DHX15: variants seen among roughly 807,000 people sequenced by gnomAD.
The protein encoded by DHX15 is DEAH-box helicase 15, also known as ATP-dependent RNA helicase DHX15.
DHX15 carries 11 observed loss-of-function variants against 94.4 expected under a neutral mutation model. The observed-to-expected ratio is 0.12, with a 90% CI of 0.07 to 0.19. The LOEUF is 0.19. DHX15 is among the 10% of genes least tolerant of loss of function. The pLI is 1.00. For synonymous variants in DHX15, 338 were observed against 329.9 expected, an observed-to-expected ratio of 1.02 and a Z score of -0.27; for missense variants, 304 against 988.5, an observed-to-expected ratio of 0.31 and a Z score of 9.29.
Position 24,584,316 on chromosome 4 carries a change from G to C in DHX15, c.71+7C>G. The C allele has an allele frequency of 6.2e-7, 1 of 1,611,158 alleles. No individual in the cohort carries two copies. Among genetic ancestry groups the C allele is most frequent in the Non-Finnish European group, 8.5e-7 (1 of 1,179,136 alleles). ...AGCTGCCGCCTCGCGCCCCCGGCCTGGCTTACCCATCGGTCCCCGCACGCT... is the reference window on the plus strand; with the variant it reads ...AGCTGCCGCCTCGCGCCCCCGGCCTCGCTTACCCATCGGTCCCCGCACGCT... On this transcript the variant is annotated splice_region_variant and intron_variant, in intron 1 of 13. Transcript: ENST00000336812.
intron 1 of DHX15, among the ~76,000 whole-genome samples, chr4:24,578,898 G>A (rs1722343225): frequency 1.3e-5 from 2 of 152,082 alleles, no homozygotes; most frequent in African/African-American, 4.8e-5. Flanking sequence ...CATAGTACCA[G>A]GCAATTAAGA....
chr4:24,527,966 G>A lies in DHX15; in HGVS notation c.2346C>T (p.Arg782=). 6.2e-7 allele frequency: 1 copy of A among 1,613,958 alleles called. No individual in the cohort carries two copies. The highest frequency in any genetic ancestry group is 1.1e-5 in the South Asian group (1 of 91,068). ...CCTTGGATTGAAGTTTGGCAATGAT[G>A]CGGTCCAACTGTCTCTTTGCTTCAC... ...PQCEAKRQLD[R]IIAKLQSKEY... The change falls in exon 14 of 14, where the codon CGC becomes CGT. Residue 782 remains arginine, a synonymous_variant. Transcript: ENST00000336812.
chr4:24,535,310 C>T (rs1721170470), intron 11 of DHX15, among the ~76,000 whole-genome samples: 1 of 152,180 alleles, frequency 6.6e-6, no homozygotes, highest in Admixed American at 6.5e-5. Context: ...ATAGGTCATA[C>T]ATCTAGTGAG....
At chr4:24,538,287 T>C (rs1308418699) in intron 10 of DHX15, 1 of 152,128 alleles carries the variant, frequency 6.6e-6, no homozygotes, top group Non-Finnish European at 1.5e-5. Context: ...TACAGTATCA[T>C]ATTACTCTTT....
intron 10 of DHX15, chr4:24,539,783 A>G: frequency 5.8e-6 from 1 of 172,140 alleles, no homozygotes; most frequent in Non-Finnish European, 1.2e-5. Flanking sequence ...AGTAAAAAAC[A>G]AAAAACAAAA....
intron 12 of DHX15, among the ~76,000 whole-genome samples, chr4:24,531,642 C>T (rs1721086056): frequency 6.6e-6 from 1 of 151,956 alleles, no homozygotes; most frequent in South Asian, 2.1e-4. Flanking sequence ...CACCAGAGCC[C>T]AGGGAGGTAA....
intron 3 of DHX15, among the ~76,000 whole-genome samples, chr4:24,561,500 T>C (rs1389524101): frequency 1.3e-5 from 2 of 152,114 alleles, no homozygotes; most frequent in Non-Finnish European, 2.9e-5. Context: ...CACAGGCCTG[T>C]GTATATTCAC....
rs114095940 is a variant in DHX15 at position 24,528,925 on chromosome 4, G to T, written c.2270+676C>A. On this transcript the variant is annotated intron_variant, in intron 13 of 13. Transcript: ENST00000336812. ...AAACAAAACAAAACAAAAAAAAACA[G>T]ATTTCTGCAAGCAAGAAACAGTACT... 3.1e-3 allele frequency among the ~76,000 whole-genome samples: 476 copies of T among 151,708 alleles called. 2 individuals are homozygous for T. The highest frequency in any genetic ancestry group is 0.011 in the African/African-American group (443 of 41,232).
At chr4:24,568,223 GAT>G (rs1333739641) in intron 3 of DHX15, among the ~76,000 whole-genome samples, 1 of 152,104 alleles carries the variant, frequency 6.6e-6, no homozygotes, top group African/African-American at 2.4e-5. Flanking sequence ...CTACACAATG[GAT>G]ATATAAGCAT....
chr4:24,533,118 T>C (rs931446918), intron 11 of DHX15, 64 bp from the exon 12 acceptor site: 1 of 1,358,430 alleles, frequency 7.4e-7, no homozygotes, highest in Non-Finnish European at 1.1e-6. Context: ...GAATGTTCTC[T>C]AATTAAAAAA....
intron 10 of DHX15, 108 bp downstream of exon 10, chr4:24,540,000 C>G (rs3749588): frequency 0.23 from 171,553 of 732,502 alleles, 21,914 homozygotes; most frequent in East Asian, 0.44. Flanking sequence ...TCCTTAAAAC[C>G]ATCTATAAAA....
intron 13 of DHX15, among the ~76,000 whole-genome samples, chr4:24,529,150 G>C (rs1721026689): frequency 6.6e-6 from 1 of 152,134 alleles, no homozygotes; most frequent in African/African-American, 2.4e-5. Flanking sequence ...AGCTTCCCCA[G>C]TAGCTGGGAC....
At chr4:24,547,946 T>C (rs1453584950) in intron 6 of DHX15, among the ~76,000 whole-genome samples, 335 of 30,812 alleles carry the variant, frequency 0.011, 3 homozygotes, top group African/African-American at 0.053. Flanking sequence ...TATATATCTA[T>C]ATCTATATCT....
At chr4:24,566,948 C>T (rs1487805826) in intron 3 of DHX15, among the ~76,000 whole-genome samples, 2 of 152,184 alleles carry the variant, frequency 1.3e-5, no homozygotes, top group South Asian at 2.1e-4. Flanking sequence ...TTTTTATTTA[C>T]ATTTTTATTT....
At chr4:24,564,115 G>T (rs1345966360) in intron 3 of DHX15, among the ~76,000 whole-genome samples, 3 of 148,328 alleles carry the variant, frequency 2.0e-5, no homozygotes, top group African/African-American at 7.4e-5. Flanking sequence ...TATAGAACAG[G>T]AAATAAAAGA....
chr4:24,582,884 C>T (rs1722449957), intron 1 of DHX15, among the ~76,000 whole-genome samples: 1 of 152,198 alleles, frequency 6.6e-6, no homozygotes, highest in South Asian at 2.1e-4. Flanking sequence ...GTCTGTCTTA[C>T]AATGTCATTG....
chr4:24,528,466 C>T (rs1019096088), intron 13 of DHX15, among the ~76,000 whole-genome samples: 1 of 152,104 alleles, frequency 6.6e-6, no homozygotes, highest in Non-Finnish European at 1.5e-5. Context: ...ACTCTATACC[C>T]CCAAAATACA....
intron 2 of DHX15, among the ~76,000 whole-genome samples, chr4:24,572,933 C>T (rs947845467): frequency 2.0e-5 from 3 of 151,980 alleles, no homozygotes; most frequent in African/African-American, 7.3e-5. Context: ...TCTTTTAAGA[C>T]GGAGTTTCAC....
intron 5 of DHX15, among the ~76,000 whole-genome samples, chr4:24,553,832 A>T (rs1721663261): frequency 6.6e-6 from 1 of 152,222 alleles, no homozygotes. Context: ...GGCTTTTTAA[A>T]ACTTTGTATT....
Sources: allele counts gnomAD v4.1 joint callset (sites outside exome capture counted in the v4.1 genomes callset), GRCh38; gene constraint gnomAD v4.1.1; transcripts MANE v1.5; gene names NCBI Gene and HGNC (gene_info 2026-07-23, HGNC 2026-07-21).